The following TCF7L2 variants were observed in gnomAD, a reference collection of about 807,000 sequenced individuals.
TCF7L2 encodes the protein transcription factor 7 like 2.
TCF7L2 carries 23 observed loss-of-function variants against 77.9 expected under a neutral mutation model. The observed-to-expected ratio is 0.30, with a 90% CI of 0.21 to 0.42. The LOEUF is 0.42. Among genes scored for constraint, TCF7L2 ranks in the 10% least tolerant of loss-of-function variants. The pLI is 1.00. For synonymous variants in TCF7L2, 413 were observed against 340.2 expected (o/e 1.21, Z -2.36); for missense variants, 654 against 793.1 (o/e 0.82, Z 2.11).
rs3830991 is a variant in TCF7L2, at chr10:113,144,100, CTG to C, written c.788+111_788+112del. ...TTTATTATTTATTCTGTGTGTGTGT[CTG>C]TGTGTGTGTGTGTGTGTGTGTGTGT... On this transcript the variant is annotated intron_variant, in intron 7 of 13. Transcript: ENST00000627217. 41,782 of 648,106 alleles carry C rather than the reference CTG, an allele frequency of 0.064. 508 individuals are homozygous for C. The highest frequency in any genetic ancestry group is 0.12 in the African/African-American group (5,976 of 50,308). The allele number at this position is 648,106 out of a possible 1,614,324, so 40.1% of individuals were successfully genotyped here.
At chr10:113,018,178 G>A (rs949032118) in intron 4 of TCF7L2, among the ~76,000 whole-genome samples, 1 of 152,172 alleles carries the variant, frequency 6.6e-6, no homozygotes, top group Non-Finnish European at 1.5e-5. Context: ...CATGAGCTGC[G>A]TAAAGCGTTT....
chr10:112,994,117 A>G (rs1259218271), intron 4 of TCF7L2, among the ~76,000 whole-genome samples: 3 of 151,762 alleles, frequency 2.0e-5, no homozygotes, highest in East Asian at 3.9e-4. Context: ...AAATCCACCT[A>G]TTTGAGGTGT....
intron 5 of TCF7L2, among the ~76,000 whole-genome samples, chr10:113,050,347 C>T (rs2054208531): frequency 6.6e-6 from 1 of 152,158 alleles, no homozygotes; most frequent in Non-Finnish European, 1.5e-5. Context: ...GAGAGCGGTA[C>T]AGCCTTGGGG....
rs1462915855 is a variant in TCF7L2, at chr10:112,951,463, T to G, written c.257-20T>G. On this transcript the variant is annotated intron_variant, in intron 2 of 13. Transcript: ENST00000627217. ...GCTCCGCGCGGCCGCCGCTGTCCCCTCGCCGCCCCGCCATGTTAGCGGCCA... is the reference window on the plus strand; with the variant it reads ...GCTCCGCGCGGCCGCCGCTGTCCCCGCGCCGCCCCGCCATGTTAGCGGCCA... 2 of 1,403,192 alleles carry G rather than the reference T, an allele frequency of 1.4e-6. No individual in the cohort carries two copies. The highest frequency in any genetic ancestry group is 1.9e-6 in the Non-Finnish European group (2 of 1,053,688). 86.9% of individuals were successfully genotyped at this position (1,403,192 alleles called of 1,614,324 possible).
At chr10:113,120,326 G>A (rs1285196779) in intron 5 of TCF7L2, among the ~76,000 whole-genome samples, 2 of 152,212 alleles carry the variant, frequency 1.3e-5, no homozygotes, top group Non-Finnish European at 2.9e-5. Context: ...GATGGCCTTT[G>A]TGTTAGTGGC....
At chr10:113,080,143 C>G (rs1176057545) in intron 5 of TCF7L2, among the ~76,000 whole-genome samples, 1 of 151,898 alleles carries the variant, frequency 6.6e-6, no homozygotes, top group African/African-American at 2.4e-5. Flanking sequence ...TCACAAAAAT[C>G]CTCTTTAACG....
chr10:112,960,069 A>G (rs894620855), intron 3 of TCF7L2, among the ~76,000 whole-genome samples: 1 of 152,180 alleles, frequency 6.6e-6, no homozygotes, highest in South Asian at 2.1e-4. Flanking sequence ...CCAATTTAGC[A>G]GGACGAATAG....
intron 5 of TCF7L2, chr10:113,089,394 C>T (rs2060143637): frequency 9.9e-6 from 16 of 1,612,070 alleles, no homozygotes; most frequent in Non-Finnish European, 1.2e-5. Context: ...TTCTTCCTGG[C>T]AGCAGAGCCC....
chr10:113,013,013 C>T (rs1243289360), intron 4 of TCF7L2, among the ~76,000 whole-genome samples: 1 of 151,740 alleles, frequency 6.6e-6, no homozygotes, highest in African/African-American at 2.4e-5. Flanking sequence ...CTGAGGTTTG[C>T]AGTGGGAGAA....
chr10:113,027,889 G>A (rs193275817), intron 4 of TCF7L2, among the ~76,000 whole-genome samples: 5 of 152,300 alleles, frequency 3.3e-5, no homozygotes, highest in African/African-American at 9.6e-5. Context: ...CCCATGGAAC[G>A]TGAAGAAGGA....
intron 5 of TCF7L2, among the ~76,000 whole-genome samples, chr10:113,097,904 T>C (rs1220202745): frequency 6.7e-6 from 1 of 150,014 alleles, no homozygotes; most frequent in Admixed American, 6.6e-5. Flanking sequence ...ACAGAAAAAT[T>C]AGCCAGGCGT....
In TCF7L2 at chr10:113,055,581, T is replaced by G. The variant is rs768839305; in HGVS notation, c.552+15455T>G. Reference sequence around the variant, plus strand: ...GATGGGTTTTCATTTTTACCTTTTATTTTAGAGATGGAGTCTCACTGCATT... The same window carrying G: ...GATGGGTTTTCATTTTTACCTTTTAGTTTAGAGATGGAGTCTCACTGCATT... On this transcript the variant is annotated intron_variant, in intron 5 of 13. Coordinates refer to ENST00000627217, the MANE Select transcript of TCF7L2 (RefSeq NM_001146274.2). 3.4e-4 allele frequency among the ~76,000 whole-genome samples: 52 copies of G among 152,328 alleles called. 1 individual carries two copies. The Middle Eastern group carries it at 0.01, about 30-fold the overall frequency.
rs1447890173 is a variant in TCF7L2 at position 113,151,038 on chromosome 10, A to T, written c.916A>T (p.Thr306Ser). The change falls in exon 9 of 14, where the codon ACG becomes TCG. Residue 306 changes from threonine to serine, a missense_variant. This residue lies in a region of TCF7L2 where 179 missense variants were observed against 270.6 expected (regional missense o/e 0.66). Transcript: ENST00000627217. This position sits in a 1 kb window ranked among gnomAD's most constrained non-coding sequence, Gnocchi z 5.2. ...GGTCCCACCACATCATACGCTACAC[A>T]CGACGGGCATTCCGCATCCGGCCAT... 2.5e-6 allele frequency: 4 copies of T among 1,614,008 alleles called. No individual in the cohort carries two copies. The highest frequency in any genetic ancestry group is 3.4e-6 in the Non-Finnish European group (4 of 1,180,026).
chr10:113,053,060 A>T (rs1160008291), intron 5 of TCF7L2, among the ~76,000 whole-genome samples: 1 of 152,144 alleles, frequency 6.6e-6, no homozygotes, highest in Non-Finnish European at 1.5e-5. Flanking sequence ...CTGGCGTGGG[A>T]CACAGGCACA....
chr10:113,026,752 G>A (rs890725581), intron 4 of TCF7L2, among the ~76,000 whole-genome samples: 1 of 152,186 alleles, frequency 6.6e-6, no homozygotes, highest in Non-Finnish European at 1.5e-5. Context: ...GAATTCCTGG[G>A]AGCTCTAGAA....
At chr10:113,048,166 C>G (rs1334716480) in intron 5 of TCF7L2, among the ~76,000 whole-genome samples, 1 of 152,206 alleles carries the variant, frequency 6.6e-6, no homozygotes, top group Non-Finnish European at 1.5e-5. Flanking sequence ...GGCACCTGCT[C>G]TGTTTACGAA....
chr10:113,149,607 G>A (rs533389602), intron 8 of TCF7L2, among the ~76,000 whole-genome samples: 4 of 152,268 alleles, frequency 2.6e-5, no homozygotes, highest in South Asian at 4.1e-4. Context: ...TCTCTAGCCC[G>A]CTTCTGGAAA....
intron 5 of TCF7L2, among the ~76,000 whole-genome samples, chr10:113,087,891 G>A (rs760738847): frequency 1.4e-4 from 22 of 152,178 alleles, no homozygotes; most frequent in Non-Finnish European, 2.5e-4. Flanking sequence ...TGGTAACCAT[G>A]TACACTGCTC....
chr10:112,953,815 A>G (rs2032740545), intron 3 of TCF7L2, among the ~76,000 whole-genome samples: 1 of 152,174 alleles, frequency 6.6e-6, no homozygotes, highest in Admixed American at 6.5e-5. Context: ...TAGTTATTTT[A>G]ATTGTGGACA....
Sources: allele counts gnomAD v4.1 joint callset (sites outside exome capture counted in the v4.1 genomes callset), GRCh38; gene constraint gnomAD v4.1.1; regional missense constraint gnomAD v4.1.1; non-coding constraint Gnocchi (gnomAD v3.1); transcripts MANE v1.5; gene names NCBI Gene and HGNC (gene_info 2026-07-23, HGNC 2026-07-21).